Variants in ZNF266 observed in about 807,000 individuals in gnomAD.
The protein encoded by ZNF266 is zinc finger protein 1.
A neutral mutation model predicts 16.4 loss-of-function variants in ZNF266; 16 were observed. The ratio of observed to expected loss-of-function variants is 0.98; its 90% confidence interval spans 0.66 to 1.48. ZNF266 has a LOEUF of 1.48. Among genes scored for constraint, ZNF266 ranks in the 40% most tolerant of loss-of-function variants. The pLI is 0.00. For synonymous variants in ZNF266, 262 were observed against 237.9 expected (o/e 1.10, Z -0.93); for missense variants, 738 against 689.1 (o/e 1.07, Z -0.79).
intron 8 of ZNF266, 58 bp from the exon 9 acceptor site, chr19:9,417,966 T>G: frequency 2.0e-6 from 3 of 1,518,860 alleles, no homozygotes; most frequent in African/African-American, 1.4e-5. Context: ...TGATAAATCT[T>G]TCCACAACTC....
At chr19:9,427,004 C>T (rs1290333894) in intron 5 of ZNF266, among the ~76,000 whole-genome samples, 5 of 152,106 alleles carry the variant, frequency 3.3e-5, no homozygotes, top group African/African-American at 9.7e-5. Context: ...TAAAATGGGA[C>T]CCCATGGATA....
chr19:9,414,184 T>C lies in ZNF266; in HGVS notation c.942A>G (p.Lys314=), dbSNP rs758630130. Residue 314 remains lysine, a synonymous_variant, in exon 11 of 11, where the codon AAA becomes AAG. Coordinates refer to ENST00000592904, the MANE Select transcript of ZNF266 (RefSeq NM_001370374.1). ...DNPYECKECG[K]AFTRSCQLTQ... Reference sequence around the variant, plus strand: ...TAAGTTGACAAGACCTGGTGAAGGCTTTCCCACACTCCTTACACTCATAGG... The same window carrying C: ...TAAGTTGACAAGACCTGGTGAAGGCCTTCCCACACTCCTTACACTCATAGG... 17 of 1,613,850 alleles carry C rather than the reference T, an allele frequency of 1.1e-5. No individual in the cohort carries two copies. In the Admixed American group the frequency reaches 2.0e-4, roughly 19 times the overall value.
intron 5 of ZNF266, among the ~76,000 whole-genome samples, chr19:9,429,865 C>A (rs1031015860): frequency 6.6e-6 from 1 of 152,120 alleles, no homozygotes; most frequent in Non-Finnish European, 1.5e-5. Flanking sequence ...ACTCCTTAAC[C>A]CCAGGGAGGG....
At chr19:9,425,012 T>C (rs1221049135) in intron 5 of ZNF266, among the ~76,000 whole-genome samples, 1 of 152,206 alleles carries the variant, frequency 6.6e-6, no homozygotes, top group Non-Finnish European at 1.5e-5. Flanking sequence ...CCCATCGTCT[T>C]TGTCTTAGTT....
At chr19:9,415,767 G>A in intron 9 of ZNF266, 25 bp from the exon 10 acceptor site, 1 of 1,590,186 alleles carries the variant, frequency 6.3e-7, no homozygotes, top group South Asian at 1.1e-5. Flanking sequence ...AAATGTAAGG[G>A]TTTGGAGACA....
In ZNF266 at chr19:9,414,625, T is replaced by C. The variant is rs1299971748; in HGVS notation, c.501A>G (p.Gln167=). 10 of 1,610,400 alleles carry C rather than the reference T, an allele frequency of 6.2e-6. No homozygotes were observed. Among genetic ancestry groups the C allele is most frequent in the South Asian group, 1.1e-5 (1 of 91,054 alleles). ...HSCLKTHVRT[Q]NSENTFECYL... is the part of the protein sequence containing the mutation. The stretch of plus-strand genomic sequence containing the variant: ...AACACTCAAATGTGTTCTCACTATT[T>C]TGAGTTCTCACATGTGTCTTAAGGC... Residue 167 remains glutamine, a synonymous_variant, in exon 11 of 11, where the codon CAA becomes CAG. Transcript: ENST00000592904.
At chr19:9,427,209 TG>T (rs2070878959) in intron 5 of ZNF266, among the ~76,000 whole-genome samples, 2 of 152,326 alleles carry the variant, frequency 1.3e-5, no homozygotes, top group Admixed American at 1.3e-4. Context: ...GCCTTCATAC[TG>T]TGGTCCCATC....
chr19:9,429,345 G>A (rs924014632), intron 5 of ZNF266, among the ~76,000 whole-genome samples: 6 of 151,972 alleles, frequency 3.9e-5, no homozygotes, highest in Non-Finnish European at 8.8e-5. Context: ...TCTGATAGGG[G>A]ACCCACCTGA....
Position 9,414,112 on chromosome 19 carries a change from C to A in ZNF266, c.1014G>T (p.Lys338Asn), listed in dbSNP as rs1385071418. The change falls in exon 11 of 11, where the codon AAG (lysine) becomes AAT (asparagine). Residue 338 changes from lysine (K) to asparagine (N), a missense_variant. Coordinates refer to ENST00000592904, the MANE Select transcript of ZNF266 (RefSeq NM_001370374.1). ...AAACAGTGAAGGCTCTCCCACAATC[C>A]TTACATTTATAAGGTTTCTCTCCAG... ...THTGEKPYKCKDCGRAFTVSS... is the reference protein window; with the variant it reads ...THTGEKPYKCNDCGRAFTVSS... 1.2e-6 allele frequency: 2 copies of A among 1,613,558 alleles called. No individual in the cohort carries two copies. The highest frequency in any genetic ancestry group is 1.7e-6 in the Non-Finnish European group (2 of 1,179,862).
chr19:9,423,115 G>A (rs896028698), intron 5 of ZNF266, among the ~76,000 whole-genome samples: 11 of 152,172 alleles, frequency 7.2e-5, no homozygotes, highest in African/African-American at 2.7e-4. Context: ...TGACAGCAGG[G>A]ATAAAGGCTA....
At chr19:9,431,126 T>C (rs893577835) in intron 5 of ZNF266, among the ~76,000 whole-genome samples, 4 of 152,132 alleles carry the variant, frequency 2.6e-5, no homozygotes, top group Admixed American at 6.5e-5. Flanking sequence ...TAGAGGAACA[T>C]ACTAAAAGGG....
At chr19:9,433,081 CAT>C (rs2071873223) in intron 5 of ZNF266, among the ~76,000 whole-genome samples, 7 of 152,332 alleles carry the variant, frequency 4.6e-5, no homozygotes, top group Admixed American at 3.3e-4. Flanking sequence ...ATTAAGCTAA[CAT>C]GTGCATCTTT....
chr19:9,427,774 T>C (rs2070975960), intron 5 of ZNF266, among the ~76,000 whole-genome samples: 1 of 152,012 alleles, frequency 6.6e-6, no homozygotes, highest in South Asian at 2.1e-4. Context: ...CTTAACAACA[T>C]CCACCTTCTC....
chr19:9,430,651 C>T (rs1308408371), intron 5 of ZNF266, among the ~76,000 whole-genome samples: 2 of 152,198 alleles, frequency 1.3e-5, no homozygotes, highest in Non-Finnish European at 2.9e-5. Flanking sequence ...ACTTTCCCCT[C>T]CCTGTGTGCT....
rs2068556442 is a variant in ZNF266 at position 9,413,693 on chromosome 19, A to C, written c.1433T>G (p.Val478Gly). The C allele has an allele frequency of 6.2e-7, 1 of 1,612,910 alleles. No homozygotes were observed. The highest frequency in any genetic ancestry group is 8.5e-7 in the Non-Finnish European group (1 of 1,179,690). The change falls in exon 11 of 11, where the codon GTC becomes GGC. Residue 478 changes from valine to glycine, a missense_variant. Val to Gly is a moderately radical substitution (Grantham distance 109). Transcript: ENST00000592904. ...THTGEKPFEC[V>G]KCGKAFAISS... ...AATAGCAAAGGCTTTCCCACATTTG[A>C]CACATTCAAAAGGCTTCTCTCCAGT...
intron 5 of ZNF266, among the ~76,000 whole-genome samples, chr19:9,424,239 A>C (rs868504826): frequency 0.021 from 3,234 of 151,430 alleles, 124 homozygotes; most frequent in African/African-American, 0.074. Flanking sequence ...AAAAAAAAAA[A>C]AAGAAAAAAG....
intron 5 of ZNF266, among the ~76,000 whole-genome samples, chr19:9,427,376 G>A (rs1443404458): frequency 6.6e-6 from 1 of 152,044 alleles, no homozygotes; most frequent in Non-Finnish European, 1.5e-5. Flanking sequence ...CTAGAATGCA[G>A]TGGCACAATC....
chr19:9,415,876 T>A (rs983930854), intron 9 of ZNF266, 134 bp from the exon 10 acceptor site: 8 of 626,776 alleles, frequency 1.3e-5, no homozygotes, highest in Non-Finnish European at 2.1e-5. Context: ...CAGGCTGGAG[T>A]GCAATGGCGT....
intron 9 of ZNF266, among the ~76,000 whole-genome samples, chr19:9,416,637 T>A (rs1200271097): frequency 2.7e-5 from 4 of 147,398 alleles, no homozygotes; most frequent in Non-Finnish European, 4.5e-5. Flanking sequence ...GTTCTGGGAT[T>A]ACAGACGTGA....
Sources: allele counts gnomAD v4.1 joint callset (sites outside exome capture counted in the v4.1 genomes callset), GRCh38; gene constraint gnomAD v4.1.1; transcripts MANE v1.5; gene names NCBI Gene and HGNC (gene_info 2026-07-23, HGNC 2026-07-21).